Variants in CNTN5 observed in about 807,000 individuals in gnomAD.
CNTN5 encodes the protein contactin-5.
In CNTN5, 77 loss-of-function variants were observed where a neutral mutation model predicts 129.1. The observed-to-expected ratio is 0.60, with a 90% CI of 0.50 to 0.72. CNTN5 has a LOEUF of 0.72. CNTN5 is among the 30% of genes least tolerant of loss of function. The pLI is 0.00. For missense variants in CNTN5, 1,478 were observed against 1,328.8 expected, an observed-to-expected ratio of 1.11 and a Z score of -1.75; for synonymous variants, 509 against 465.6, an observed-to-expected ratio of 1.09 and a Z score of -1.20.
chr11:99,409,670 A>T (rs1942300188), intron 2 of CNTN5, among the ~76,000 whole-genome samples: 2 of 152,210 alleles, frequency 1.3e-5, no homozygotes, highest in African/African-American at 4.8e-5. Context: ...AAACAAGGAG[A>T]GAAAAATAGT....
chr11:99,314,942 G>A (rs1865277281), intron 1 of CNTN5, among the ~76,000 whole-genome samples: 1 of 147,770 alleles, frequency 6.8e-6, no homozygotes, highest in Admixed American at 6.8e-5. Flanking sequence ...TTCTTATTCA[G>A]TAGCTCTGTG....
intron 2 of CNTN5, among the ~76,000 whole-genome samples, chr11:99,342,628 G>A (rs1335765750): frequency 1.5e-5 from 2 of 136,826 alleles, no homozygotes; most frequent in East Asian, 4.7e-4. Context: ...ACGTGCCTGT[G>A]ATCCCAGCTA....
At chr11:99,615,670 G>A (rs774592593) in intron 3 of CNTN5, among the ~76,000 whole-genome samples, 4 of 151,944 alleles carry the variant, frequency 2.6e-5, no homozygotes, top group Non-Finnish European at 4.4e-5. Flanking sequence ...GGTATTAATA[G>A]TATGTTGTGT....
At chr11:100,318,856 T>C (rs1951621352) in intron 21 of CNTN5, among the ~76,000 whole-genome samples, 1 of 152,112 alleles carries the variant, frequency 6.6e-6, no homozygotes, top group African/African-American at 2.4e-5. Flanking sequence ...TATTTAGCAT[T>C]GTAAGAATTC....
chr11:100,184,427 T>C (rs985759451), intron 13 of CNTN5, among the ~76,000 whole-genome samples: 2 of 152,196 alleles, frequency 1.3e-5, no homozygotes, highest in Non-Finnish European at 2.9e-5. Flanking sequence ...TCCACCCTGA[T>C]ATGATACCAA....
At chr11:99,930,094 A>G (rs550845643) in intron 7 of CNTN5, among the ~76,000 whole-genome samples, 2 of 152,176 alleles carry the variant, frequency 1.3e-5, no homozygotes, top group South Asian at 4.2e-4. Flanking sequence ...CGCAGTATGT[A>G]GAGTGACTTG....
chr11:99,785,566 C>A (rs2439597), intron 3 of CNTN5, among the ~76,000 whole-genome samples: 39,064 of 151,930 alleles, frequency 0.26, 5,394 homozygotes, highest in Non-Finnish European at 0.32. Context: ...GGCCGATATT[C>A]CTGATGAACA....
chr11:99,941,024 G>A (rs1339177257), intron 7 of CNTN5, among the ~76,000 whole-genome samples: 1 of 152,092 alleles, frequency 6.6e-6, no homozygotes. Context: ...TTGGGACATA[G>A]AAATGTGCTT....
chr11:99,740,742 A>G (rs1203099387), intron 3 of CNTN5, among the ~76,000 whole-genome samples: 2 of 152,294 alleles, frequency 1.3e-5, no homozygotes, highest in East Asian at 1.9e-4. Context: ...CTGGATATGC[A>G]TGAAACACTC....
intron 4 of CNTN5, among the ~76,000 whole-genome samples, chr11:99,832,058 T>C (rs1444555561): frequency 6.6e-6 from 1 of 152,190 alleles, no homozygotes; most frequent in Non-Finnish European, 1.5e-5. Flanking sequence ...GTACATTCAT[T>C]AGCAGTTACT....
intron 3 of CNTN5, among the ~76,000 whole-genome samples, chr11:99,659,675 G>A (rs1268211364): frequency 6.6e-6 from 1 of 152,116 alleles, no homozygotes; most frequent in Admixed American, 6.6e-5. Flanking sequence ...CCTTCCTCTG[G>A]AAACCTCAGT....
chr11:99,610,908 C>A (rs763626894), intron 3 of CNTN5, among the ~76,000 whole-genome samples: 6 of 152,106 alleles, frequency 3.9e-5, no homozygotes, highest in Non-Finnish European at 8.8e-5. Context: ...GCGCTATGTG[C>A]TTAGAAAAAA....
chr11:100,344,436 A>G (rs1382365114), intron 23 of CNTN5, among the ~76,000 whole-genome samples: 9 of 152,150 alleles, frequency 5.9e-5, no homozygotes, highest in Admixed American at 5.2e-4. Context: ...GAAAAAGTGC[A>G]CTAGAAACTG....
At chr11:99,307,748 G>T (rs572233933) in intron 1 of CNTN5, among the ~76,000 whole-genome samples, 237 of 152,266 alleles carry the variant, frequency 1.6e-3, no homozygotes, top group Non-Finnish European at 2.6e-3. Flanking sequence ...GGCCTGTCAA[G>T]TTGGAGGCCA....
chr11:99,618,786 G>A (rs763883221), intron 3 of CNTN5, among the ~76,000 whole-genome samples: 6 of 152,114 alleles, frequency 3.9e-5, no homozygotes, highest in Non-Finnish European at 5.9e-5. Flanking sequence ...TTTCCATGAT[G>A]TGATGATTAT....
chr11:100,270,894 T>C (rs1227847273), intron 17 of CNTN5, among the ~76,000 whole-genome samples, 198 bp from the exon 18 acceptor site: 2 of 152,192 alleles, frequency 1.3e-5, no homozygotes, highest in Non-Finnish European at 2.9e-5. Flanking sequence ...TCCAACAAAC[T>C]TTGACATATG....
intron 1 of CNTN5, among the ~76,000 whole-genome samples, chr11:99,083,697 T>C (rs1865894110): frequency 6.6e-6 from 1 of 152,206 alleles, no homozygotes. Flanking sequence ...AATTTCAAAA[T>C]ATACAACATT....
chr11:99,734,233 T>C (rs778653377), intron 3 of CNTN5, among the ~76,000 whole-genome samples: 14 of 152,236 alleles, frequency 9.2e-5, no homozygotes, highest in Admixed American at 3.9e-4. Flanking sequence ...CCTTCCATTG[T>C]GTTATAAACA....
intron 2 of CNTN5, among the ~76,000 whole-genome samples, chr11:99,500,037 T>G (rs1358911867): frequency 6.6e-6 from 1 of 152,136 alleles, no homozygotes; most frequent in Non-Finnish European, 1.5e-5. Flanking sequence ...TGTTGAGTTC[T>G]GGGTTGTAGC....
Sources: gnomAD v4.1 joint callset for allele counts (sites outside exome capture counted in the v4.1 genomes callset) on GRCh38, gnomAD v4.1.1 for gene constraint, MANE v1.5 for transcripts, NCBI Gene and HGNC (gene_info 2026-07-23, HGNC 2026-07-21) for gene names.